Variants in ERG observed in about 807,000 individuals in gnomAD.
ERG encodes ETS transcription factor ERG, also known as transcriptional regulator ERG.
ERG carries 9 observed loss-of-function variants against 55.3 expected under a neutral mutation model. The observed-to-expected ratio is 0.16, with a 90% CI of 0.10 to 0.28. The LOEUF (loss-of-function observed/expected upper bound fraction) is 0.28, where lower values mean the gene tolerates loss of function less well. ERG is among the 10% of genes least tolerant of loss of function. ERG has a pLI of 1.00. For synonymous variants in ERG, 223 were observed against 237.3 expected (o/e 0.94, Z 0.55); for missense variants, 434 against 631.6 (o/e 0.69, Z 3.35).
chr21:38,421,394 T>C (rs1989536638), intron 3 of ERG, among the ~76,000 whole-genome samples: 1 of 152,216 alleles, frequency 6.6e-6, no homozygotes, highest in African/African-American at 2.4e-5. Context: ...ACGTGTTTGC[T>C]GAAAGTCACA....
intron 3 of ERG, among the ~76,000 whole-genome samples, chr21:38,422,073 A>G (rs1989569600): frequency 6.6e-6 from 1 of 152,258 alleles, no homozygotes; most frequent in Non-Finnish European, 1.5e-5. Context: ...AATGAATGAA[A>G]TCAAGAAAAA....
At chr21:38,507,017 C>T (rs1362385336) in intron 2 of ERG, among the ~76,000 whole-genome samples, 4 of 152,054 alleles carry the variant, frequency 2.6e-5, no homozygotes, top group Admixed American at 2.0e-4. Flanking sequence ...GGAGGAGGCC[C>T]GGACCCTGTA....
At chr21:38,522,853 C>T (rs568737797) in intron 2 of ERG, among the ~76,000 whole-genome samples, 1 of 152,280 alleles carries the variant, frequency 6.6e-6, no homozygotes, top group African/African-American at 2.4e-5. Context: ...CAGTAGAAAG[C>T]TGAACAACGA....
In ERG at chr21:38,380,746, C is replaced by A. The variant is rs1987390191; in HGVS notation, c.*2657G>T. 9.4e-6 allele frequency: 10 copies of A among 1,064,974 alleles called. No individual in the cohort carries two copies. The highest frequency in any genetic ancestry group is 1.0e-5 in the Non-Finnish European group (9 of 879,206). 66.0% of individuals were successfully genotyped at this position (1,064,974 alleles called of 1,614,324 possible). ...GTTGCTCATAAGACTTGCTAATAAC[C>A]TGGACTGGGGGTGGAGGGTTGAGGG... On this transcript the variant is annotated 3_prime_UTR_variant, in exon 10 of 10. Coordinates refer to ENST00000288319, the MANE Select transcript of ERG (RefSeq NM_182918.4).
chr21:38,392,492 TAA>T (rs1195443519), intron 6 of ERG, 48 bp from the exon 7 acceptor site: 1 of 1,297,328 alleles, frequency 7.7e-7, no homozygotes, highest in African/African-American at 1.5e-5. Context: ...GTAATTTTTA[TAA>T]GAGATGCTTT....
chr21:38,640,395 T>C (rs771035179), intron 1 of ERG, among the ~76,000 whole-genome samples: 7 of 152,030 alleles, frequency 4.6e-5, no homozygotes, highest in Non-Finnish European at 7.4e-5. Flanking sequence ...TAGGAGAAAA[T>C]TGATAATGTC....
At chr21:38,391,375 G>A (rs1247612004) in intron 8 of ERG, among the ~76,000 whole-genome samples, 1 of 152,154 alleles carries the variant, frequency 6.6e-6, no homozygotes, top group Non-Finnish European at 1.5e-5. Flanking sequence ...GTGTTGTTTA[G>A]GCATGGAAAG....
At position 38,383,514 on chromosome 21, in the gene ERG, G is replaced by A. The variant is rs781550141; in HGVS notation, c.1329C>T (p.Ser443=). The A allele has an allele frequency of 7.1e-6, 11 of 1,560,080 alleles. No individual in the cohort carries two copies. In the African/African-American group the frequency reaches 1.2e-4, roughly 17 times the overall value. ...ATGGGTTTGGGGCAGCAAAAAAACT[G>A]GAAGATGTCACGGGGAGGGCTGGAG... ...PHPPALPVTS[S]SFFAAPNPYW... The change falls in exon 10 of 10, where the codon TCC becomes TCT. Residue 443 remains serine, a synonymous_variant. Coordinates refer to ENST00000288319, the MANE Select transcript of ERG (RefSeq NM_182918.4). The surrounding 1 kb of genome is among the most constrained non-coding windows in gnomAD (Gnocchi z 5.7).
chr21:38,404,739 G>A (rs1306339931), intron 3 of ERG, among the ~76,000 whole-genome samples: 1 of 152,156 alleles, frequency 6.6e-6, no homozygotes, highest in Non-Finnish European at 1.5e-5. Flanking sequence ...CAGTTCCCGG[G>A]ACAAGCCCTT....
At chr21:38,544,176 T>C (rs942451105) in intron 2 of ERG, among the ~76,000 whole-genome samples, 3 of 152,170 alleles carry the variant, frequency 2.0e-5, no homozygotes, top group African/African-American at 7.2e-5. Flanking sequence ...GCAAAGGCCC[T>C]GGGGTGAGGA....
intron 1 of ERG, among the ~76,000 whole-genome samples, chr21:38,462,273 G>T (rs2059050379): frequency 6.6e-6 from 1 of 152,154 alleles, no homozygotes; most frequent in Admixed American, 6.5e-5. Context: ...ATGAGCCACT[G>T]CACCTGGCCT....
chr21:38,411,264 C>T (rs1989032874), intron 3 of ERG, among the ~76,000 whole-genome samples: 1 of 152,138 alleles, frequency 6.6e-6, no homozygotes, highest in African/African-American at 2.4e-5. Flanking sequence ...GTATTGATTT[C>T]TAATTTTATT....
the ERG span, among the ~76,000 whole-genome samples, chr21:38,374,942 C>T: frequency 6.6e-6 from 1 of 152,084 alleles, no homozygotes; most frequent in Admixed American, 6.5e-5. Context: ...AGAAAAAATT[C>T]CCTGCCTGGA....
intron 1 of ERG, among the ~76,000 whole-genome samples, chr21:38,642,203 T>G (rs938040600): frequency 2.0e-5 from 3 of 152,182 alleles, no homozygotes; most frequent in African/African-American, 7.2e-5. Flanking sequence ...TATATAAAAG[T>G]GTATATATAA....
At chr21:38,448,169 C>T (rs1260047221) in intron 1 of ERG, among the ~76,000 whole-genome samples, 1 of 152,046 alleles carries the variant, frequency 6.6e-6, no homozygotes, top group African/African-American at 2.4e-5. Context: ...TCACATCTGG[C>T]AAAGCATTAT....
At chr21:38,560,895 A>T (rs1263500930) in intron 2 of ERG, among the ~76,000 whole-genome samples, 1 of 152,218 alleles carries the variant, frequency 6.6e-6, no homozygotes, top group East Asian at 1.9e-4. Context: ...CTACTTTCAG[A>T]TTTTCAGGTA....
At chr21:38,440,394 G>A (rs368693023) in intron 2 of ERG, among the ~76,000 whole-genome samples, 11 of 152,320 alleles carry the variant, frequency 7.2e-5, no homozygotes. Context: ...CTGCGTCTCC[G>A]TGAACCCTGC....
At chr21:38,493,122 A>G (rs1463029125) in intron 1 of ERG, among the ~76,000 whole-genome samples, 2 of 152,238 alleles carry the variant, frequency 1.3e-5, no homozygotes, top group African/African-American at 4.8e-5. Context: ...CTTAAAAAAT[A>G]TATATACCCA....
At chr21:38,637,816 C>CCTGT (rs1601339875) in intron 1 of ERG, among the ~76,000 whole-genome samples, 1 of 148,944 alleles carries the variant, frequency 6.7e-6, no homozygotes, top group African/African-American at 2.5e-5. Context: ...TCTTTTTCTG[C>CCTGT]GTGTGTGTGT....
Sources: allele counts gnomAD v4.1 joint callset (sites outside exome capture counted in the v4.1 genomes callset), GRCh38; gene constraint gnomAD v4.1.1; non-coding constraint Gnocchi (gnomAD v3.1); transcripts MANE v1.5; gene names NCBI Gene and HGNC (gene_info 2026-07-23, HGNC 2026-07-21).